The following PUM2 variants were observed in gnomAD, a reference collection of about 807,000 sequenced individuals.
PUM2 encodes the protein pumilio RNA binding family member 2, also known as pumilio homolog 2.
PUM2 carries 57 observed loss-of-function variants against 124.5 expected under a neutral mutation model. That is an observed-to-expected ratio of 0.46 (90% CI 0.37 to 0.57). PUM2 has a LOEUF of 0.57. Among genes scored for constraint, PUM2 ranks in the 20% least tolerant of loss-of-function variants. The pLI is 0.00. For synonymous variants in PUM2, 460 were observed against 446.1 expected, an observed-to-expected ratio of 1.03 and a Z score of -0.39; for missense variants, 1,065 against 1,290.6, an observed-to-expected ratio of 0.83 and a Z score of 2.68.
chr2:20,268,394 T>C (rs1427440782), intron 13 of PUM2, among the ~76,000 whole-genome samples: 1 of 152,118 alleles, frequency 6.6e-6, no homozygotes, highest in African/African-American at 2.4e-5. Flanking sequence ...GGCGGATCAC[T>C]TGAGGTTAAG....
chr2:20,281,295 G>T (rs918208040), intron 12 of PUM2, among the ~76,000 whole-genome samples: 2 of 152,100 alleles, frequency 1.3e-5, no homozygotes, highest in African/African-American at 4.8e-5. Flanking sequence ...TAGTTTTGGG[G>T]AAACAGGGCA....
chr2:20,294,697 A>G (rs1346993714), intron 8 of PUM2, among the ~76,000 whole-genome samples, 179 bp from the exon 9 acceptor site: 1 of 152,250 alleles, frequency 6.6e-6, no homozygotes, highest in Non-Finnish European at 1.5e-5. Context: ...GGAAAAGATG[A>G]GAATCCATCC....
At chr2:20,311,101 C>T (rs752276841) in intron 5 of PUM2, among the ~76,000 whole-genome samples, 134 of 151,906 alleles carry the variant, frequency 8.8e-4, no homozygotes, top group South Asian at 2.3e-3. Flanking sequence ...GGCATATATA[C>T]TCAGAAGGAA....
intron 9 of PUM2, 64 bp from the exon 10 acceptor site, chr2:20,290,854 G>T: frequency 7.9e-7 from 1 of 1,268,698 alleles, no homozygotes; most frequent in Non-Finnish European, 1.1e-6. Flanking sequence ...ATTTATCTTG[G>T]ACAACTGTGT....
chr2:20,346,928 C>T (rs1431424705), intron 1 of PUM2, among the ~76,000 whole-genome samples: 8 of 152,214 alleles, frequency 5.3e-5, no homozygotes, highest in Admixed American at 1.3e-4. Context: ...TTTCCTGTCC[C>T]ATTTGCAGTC....
chr2:20,254,736 C>T, intron 19 of PUM2, 127 bp downstream of exon 19: 1 of 995,494 alleles, frequency 1.0e-6, no homozygotes. Flanking sequence ...TCTATAGGTG[C>T]ATTTTAATGA....
intron 1 of PUM2, among the ~76,000 whole-genome samples, chr2:20,346,348 G>A (rs950791773): frequency 6.6e-6 from 1 of 152,110 alleles, no homozygotes; most frequent in Admixed American, 6.6e-5. Context: ...GAAAATGGAA[G>A]ATACAAGTAG....
At position 20,251,639 on chromosome 2, in the gene PUM2, C is replaced by T. The variant is rs1287999624; in HGVS notation, c.3141G>A (p.Leu1047=). 6.2e-7 allele frequency: 1 copy of T among 1,613,898 alleles called. No individual in the cohort carries two copies. The highest frequency in any genetic ancestry group is 1.3e-5 in the African/African-American group (1 of 75,022). Residue 1047 remains leucine (L), a synonymous_variant, in exon 21 of 21, where the codon TTG becomes TTA. Coordinates refer to ENST00000361078, the MANE Select transcript of PUM2 (RefSeq NM_015317.5). Reference sequence around the variant, plus strand: ...TAGGTCCTAGGTCCGGGCTATTCTTCAAATAATACTTTTCCAACTTGGCCA... The same window carrying T: ...TAGGTCCTAGGTCCGGGCTATTCTTTAAATAATACTTTTCCAACTTGGCCA... ...HILAKLEKYY[L]KNSPDLGPIG...
At chr2:20,291,371 T>C (rs1262417858) in intron 9 of PUM2, among the ~76,000 whole-genome samples, 1 of 152,352 alleles carries the variant, frequency 6.6e-6, no homozygotes, top group Non-Finnish European at 1.5e-5. Flanking sequence ...GGTCACATCT[T>C]CACTGGAAGG....
chr2:20,310,759 C>T (rs1679417988), intron 5 of PUM2, among the ~76,000 whole-genome samples: 1 of 151,874 alleles, frequency 6.6e-6, no homozygotes, highest in African/African-American at 2.4e-5. Flanking sequence ...AAAGAAACAA[C>T]TCATTTTCAG....
intron 1 of PUM2, among the ~76,000 whole-genome samples, chr2:20,343,853 T>C (rs1034681063): frequency 6.6e-6 from 1 of 151,936 alleles, no homozygotes; most frequent in Non-Finnish European, 1.5e-5. Flanking sequence ...TGCTTGAGAC[T>C]GGGCAGTTGA....
intron 3 of PUM2, among the ~76,000 whole-genome samples, chr2:20,313,974 C>T (rs900557035): frequency 6.6e-6 from 1 of 151,368 alleles, no homozygotes; most frequent in Non-Finnish European, 1.5e-5. Context: ...GAAACCTCAT[C>T]TCTACTAAGA....
At position 20,339,522 on chromosome 2, in the gene PUM2, G is replaced by A. The variant is rs1686814350; in HGVS notation, c.-19+11075C>T. Among the ~76,000 whole-genome samples, 3 of 152,144 alleles carry A rather than the reference G, an allele frequency of 2.0e-5. No individual in the cohort carries two copies. The South Asian group carries it at 6.2e-4, about 32-fold the overall frequency. Reference sequence around the variant, plus strand: ...TTTAGCCTTACTTTTAATACATCAGGTTTTTAAAAAGCAAAGCCCAGTTTG... The same window carrying A: ...TTTAGCCTTACTTTTAATACATCAGATTTTTAAAAAGCAAAGCCCAGTTTG... On this transcript the variant is annotated intron_variant, in intron 1 of 20. Transcript: ENST00000361078.
At chr2:20,292,811 A>T (rs1674526849) in intron 9 of PUM2, among the ~76,000 whole-genome samples, 1 of 152,080 alleles carries the variant, frequency 6.6e-6, no homozygotes, top group Admixed American at 6.5e-5. Context: ...CGTGCCTGTC[A>T]TCCCAGCTAC....
chr2:20,342,748 T>C (rs1343546183), intron 1 of PUM2, among the ~76,000 whole-genome samples: 1 of 152,214 alleles, frequency 6.6e-6, no homozygotes, highest in Non-Finnish European at 1.5e-5. Context: ...TTTAGGTGAT[T>C]AGCATGAATT....
At chr2:20,294,023 C>A (rs2148233235) in intron 9 of PUM2, among the ~76,000 whole-genome samples, 1 of 152,138 alleles carries the variant, frequency 6.6e-6, no homozygotes, top group Middle Eastern at 3.4e-3. Flanking sequence ...AACACATTAA[C>A]ATTTAAAATT....
At chr2:20,331,746 G>C (rs1684966719) in intron 1 of PUM2, 1 of 152,082 alleles carries the variant, frequency 6.6e-6, no homozygotes, top group Non-Finnish European at 1.5e-5. Context: ...GTTTTTATCA[G>C]TGGTCCAAAT....
intron 15 of PUM2, among the ~76,000 whole-genome samples, chr2:20,258,793 G>A (rs923466531): frequency 2.0e-5 from 3 of 149,792 alleles, no homozygotes; most frequent in Non-Finnish European, 3.0e-5. Flanking sequence ...TCAGCCTCCC[G>A]AGTAGCTGGG....
At chr2:20,348,438 C>G (rs1396154907) in intron 1 of PUM2, among the ~76,000 whole-genome samples, 1 of 152,148 alleles carries the variant, frequency 6.6e-6, no homozygotes, top group Non-Finnish European at 1.5e-5. Context: ...GTATGTAGAA[C>G]TTGAGTTTAG....
Sources: allele counts gnomAD v4.1 joint callset (sites outside exome capture counted in the v4.1 genomes callset), GRCh38; gene constraint gnomAD v4.1.1; transcripts MANE v1.5; gene names NCBI Gene and HGNC (gene_info 2026-07-23, HGNC 2026-07-21).